CSMD2: variants seen among roughly 807,000 people sequenced by gnomAD.
CSMD2 encodes CUB and sushi domain-containing protein 2.
In CSMD2, 130 loss-of-function variants were observed where a neutral mutation model predicts 398.5. That is an observed-to-expected ratio of 0.33 (90% CI 0.28 to 0.38). The LOEUF (loss-of-function observed/expected upper bound fraction) is 0.38. Among genes scored for constraint, CSMD2 ranks in the 10% least tolerant of loss-of-function variants. The pLI is 1.00. For missense variants in CSMD2, 3,829 were observed against 4,764.9 expected (o/e 0.80, Z 5.78); for synonymous variants, 1,828 against 1,908.5 (o/e 0.96, Z 1.10).
chr1:33,863,255 A>G (rs374418869), intron 5 of CSMD2: 14 of 152,288 alleles, frequency 9.2e-5, no homozygotes, highest in African/African-American at 1.9e-4. Context: ...CTTCCCTCCA[A>G]TTGAAAGACT....
chr1:34,165,719 G>C, upstream of CSMD2: 2 of 1,610,602 alleles, frequency 1.2e-6, no homozygotes, highest in Non-Finnish European at 1.7e-6. Context: ...ACCAAAGAAG[G>C]ACGCGTTCCC....
intron 1 of CSMD2, among the ~76,000 whole-genome samples, chr1:34,140,772 C>T (rs1262017803): frequency 6.6e-6 from 1 of 152,154 alleles, no homozygotes; most frequent in African/African-American, 2.4e-5. Flanking sequence ...GAGAACAACA[C>T]TTTTCTCTGA....
At chr1:34,108,710 G>A (rs1660759697) in intron 1 of CSMD2, among the ~76,000 whole-genome samples, 3 of 152,080 alleles carry the variant, frequency 2.0e-5, no homozygotes, top group Admixed American at 2.0e-4. Flanking sequence ...AGAGGGAAAG[G>A]GGTGAAGGTA....
chr1:33,946,862 T>C (rs1644856897), intron 3 of CSMD2, among the ~76,000 whole-genome samples: 1 of 152,020 alleles, frequency 6.6e-6, no homozygotes, highest in South Asian at 2.1e-4. Context: ...CTCCAATTCC[T>C]GACCTCAAGT....
intron 25 of CSMD2, among the ~76,000 whole-genome samples, chr1:33,679,501 C>A (rs754197344): frequency 6.6e-6 from 1 of 152,172 alleles, no homozygotes; most frequent in Non-Finnish European, 1.5e-5. Flanking sequence ...CGCCCAGCCT[C>A]AAATACTAGT....
Position 33,635,284 on chromosome 1 carries a change from G to A in CSMD2, c.5016C>T (p.Ser1672=). Residue 1672 remains serine (S), a synonymous_variant, in exon 31 of 71, where the codon TCC becomes TCT. Transcript: ENST00000373381. The surrounding 1 kb of genome is among the most constrained non-coding windows in gnomAD (Gnocchi z 5.0). ...TGGTGTAGTTCTGGGGGTAGTTGGG[G>A]GACAAGACCACTCCGTCCGAACCCA... is the stretch of plus-strand genomic sequence containing the variant. The part of the protein sequence containing the change: ...QYVGSDGVVL[S]PNYPQNYTSG... 1 of 1,612,826 alleles carries A rather than the reference G, an allele frequency of 6.2e-7. No homozygotes were observed. The highest frequency in any genetic ancestry group is 8.5e-7 in the Non-Finnish European group (1 of 1,179,358).
At chr1:33,860,301 T>C (rs1639397860) in intron 5 of CSMD2, among the ~76,000 whole-genome samples, 1 of 152,194 alleles carries the variant, frequency 6.6e-6, no homozygotes, top group South Asian at 2.1e-4. Flanking sequence ...GATCAGGTAT[T>C]TGGTAGAATG....
chr1:33,730,236 T>C (rs2149219195), intron 15 of CSMD2, among the ~76,000 whole-genome samples: 1 of 152,274 alleles, frequency 6.6e-6, no homozygotes, highest in South Asian at 2.1e-4. Context: ...ATTCTCTTTA[T>C]CTAAGAAAGG....
chr1:33,643,274 G>T (rs1020280216), intron 29 of CSMD2, among the ~76,000 whole-genome samples: 4 of 152,136 alleles, frequency 2.6e-5, no homozygotes, highest in Non-Finnish European at 5.9e-5. Flanking sequence ...AAAGCATATG[G>T]GACACATACG....
chr1:33,957,343 A>C (rs1025571476), intron 3 of CSMD2, among the ~76,000 whole-genome samples: 6 of 152,144 alleles, frequency 3.9e-5, no homozygotes, highest in African/African-American at 1.4e-4. Flanking sequence ...TATACAGAGC[A>C]CTTTGCATGC....
At chr1:33,728,986 G>A (rs1294358984) in intron 15 of CSMD2, among the ~76,000 whole-genome samples, 1 of 151,454 alleles carries the variant, frequency 6.6e-6, no homozygotes, top group Non-Finnish European at 1.5e-5. Context: ...TTTCTCAGGT[G>A]GACACATGAG....
chr1:34,108,021 T>G (rs1298925664), intron 1 of CSMD2, among the ~76,000 whole-genome samples: 1 of 152,212 alleles, frequency 6.6e-6, no homozygotes, highest in Non-Finnish European at 1.5e-5. Flanking sequence ...ACACAAGGCT[T>G]GGCATTTCAT....
chr1:34,087,181 G>A (rs751573486), intron 2 of CSMD2, among the ~76,000 whole-genome samples: 1 of 151,828 alleles, frequency 6.6e-6, no homozygotes, highest in Non-Finnish European at 1.5e-5. Context: ...ATACCTACAT[G>A]GGATACCACA....
chr1:34,016,719 C>A (rs1296387328), intron 3 of CSMD2, among the ~76,000 whole-genome samples: 2 of 152,060 alleles, frequency 1.3e-5, no homozygotes, highest in African/African-American at 4.8e-5. Flanking sequence ...CAGTGATAGA[C>A]TGCATAAAGA....
intron 3 of CSMD2, among the ~76,000 whole-genome samples, chr1:33,949,349 G>A (rs986883887): frequency 6.6e-5 from 10 of 152,198 alleles, no homozygotes; most frequent in Admixed American, 2.0e-4. Flanking sequence ...GCTGGGGAGG[G>A]CAGATGGCCC....
intron 23 of CSMD2, 51 bp downstream of exon 23, chr1:33,700,466 A>C (rs993969645): frequency 2.5e-6 from 4 of 1,592,746 alleles, no homozygotes; most frequent in Non-Finnish European, 2.6e-6. Context: ...ATAAATGAAT[A>C]AAATGGGAAA....
At chr1:33,587,311 G>A in intron 44 of CSMD2, 143 bp from the exon 45 acceptor site, 3 of 604,010 alleles carry the variant, frequency 5.0e-6, no homozygotes, top group Non-Finnish European at 2.8e-6. Context: ...AACAGGGCAA[G>A]TTTAGCCAAG....
At chr1:33,892,521 C>A (rs1205039480) in intron 5 of CSMD2, among the ~76,000 whole-genome samples, 1 of 152,106 alleles carries the variant, frequency 6.6e-6, no homozygotes, top group Admixed American at 6.5e-5. Context: ...CACTCTTATG[C>A]CTTTGCACCC....
intron 2 of CSMD2, among the ~76,000 whole-genome samples, chr1:34,057,996 G>A (rs1459853927): frequency 6.6e-6 from 1 of 152,250 alleles, no homozygotes; most frequent in African/African-American, 2.4e-5. Context: ...GCTTCTCCTG[G>A]CCTGAAAGCA....
Sources: allele counts gnomAD v4.1 joint callset (sites outside exome capture counted in the v4.1 genomes callset), GRCh38; gene constraint gnomAD v4.1.1; non-coding constraint Gnocchi (gnomAD v3.1); transcripts MANE v1.5; gene names NCBI Gene and HGNC (gene_info 2026-07-23, HGNC 2026-07-21).